Variants in UNC13C observed in about 807,000 individuals in gnomAD.
The protein encoded by UNC13C is protein unc-13 homolog C.
Under a neutral mutation model 245.4 loss-of-function variants are expected in UNC13C, and 174 were observed. The observed-to-expected ratio is 0.71, with a 90% CI of 0.63 to 0.80. The LOEUF (loss-of-function observed/expected upper bound fraction) is 0.80, where lower values mean the gene tolerates loss of function less well. UNC13C is among the 30% of genes least tolerant of loss of function. The pLI is 0.00. For synonymous variants in UNC13C, 992 were observed against 895.1 expected (o/e 1.11, Z -1.93); for missense variants, 2,829 against 2,602.9 (o/e 1.09, Z -1.89).
chr15:54,553,905 C>G (rs1029678772), intron 28 of UNC13C, among the ~76,000 whole-genome samples: 8 of 151,806 alleles, frequency 5.3e-5, no homozygotes, highest in African/African-American at 1.9e-4. Context: ...GCATTTTCCC[C>G]TATAATTCAG....
chr15:53,838,492 T>A, the UNC13C span, among the ~76,000 whole-genome samples: 14 of 152,078 alleles, frequency 9.2e-5, no homozygotes, highest in African/African-American at 2.7e-4. Context: ...TATGAATAGA[T>A]GTTTAATTTT....
chr15:54,075,387 A>T (rs1898545445), intron 2 of UNC13C, among the ~76,000 whole-genome samples: 1 of 151,838 alleles, frequency 6.6e-6, no homozygotes, highest in Non-Finnish European at 1.5e-5. Context: ...CGGGAGGCTG[A>T]GTCAGGAGAA....
At chr15:54,528,361 A>T (rs1895580173) in intron 25 of UNC13C, among the ~76,000 whole-genome samples, 1 of 147,570 alleles carries the variant, frequency 6.8e-6, no homozygotes, top group Non-Finnish European at 1.5e-5. Flanking sequence ...TTAGTACTAG[A>T]GGCTGGCTAG....
rs554862328 is a variant in UNC13C at position 54,276,519 on chromosome 15, A to G, written c.3818+11023A>G. ...ATTAATGGTTTACAGTGTTCAACAC[A>G]TCTAAAATCTAAAATACAGTATCAT... On this transcript the variant is annotated intron_variant, in intron 10 of 32. Transcript: ENST00000260323. Among the ~76,000 whole-genome samples the G allele has an allele frequency of 7.9e-5, 12 of 152,234 alleles. No homozygotes were observed. In the South Asian group the frequency reaches 2.1e-3, roughly 26 times the overall value.
intron 30 of UNC13C, among the ~76,000 whole-genome samples, chr15:54,579,118 T>A (rs903605399): frequency 1.3e-5 from 2 of 152,140 alleles, no homozygotes; most frequent in Non-Finnish European, 2.9e-5. Flanking sequence ...AGTTCGGCAG[T>A]AAAATAGGCA....
rs191259776 is a variant in UNC13C at position 54,374,083 on chromosome 15, G to A, written c.4714-18965G>A. Among the ~76,000 whole-genome samples the A allele has an allele frequency of 2.1e-3, 316 of 152,266 alleles. 6 individuals are homozygous for A. The highest frequency in any genetic ancestry group is 0.019 in the Admixed American group (292 of 15,302). On this transcript the variant is annotated intron_variant, in intron 17 of 32. Coordinates refer to ENST00000260323, the MANE Select transcript of UNC13C (RefSeq NM_001080534.3). ...GACCCTCAGTGGGCAGCTCCTCTCT[G>A]CAGACAGGTCCTCTGAATGTCTCCC...
At chr15:54,493,087 G>T (rs1262663491) in intron 19 of UNC13C, among the ~76,000 whole-genome samples, 2 of 152,120 alleles carry the variant, frequency 1.3e-5, no homozygotes, top group Non-Finnish European at 2.9e-5. Context: ...ATCAGTCCCC[G>T]AGCGAAGGTC....
At chr15:54,034,205 A>G (rs1896479147) in intron 2 of UNC13C, among the ~76,000 whole-genome samples, 1 of 151,816 alleles carries the variant, frequency 6.6e-6, no homozygotes, top group Non-Finnish European at 1.5e-5. Context: ...GTCTTTGCTC[A>G]CTCCCTGTTT....
intron 2 of UNC13C, among the ~76,000 whole-genome samples, chr15:54,045,496 C>A (rs1478351035): frequency 6.6e-6 from 1 of 151,948 alleles, no homozygotes; most frequent in African/African-American, 2.4e-5. Context: ...TTTCAGAGCA[C>A]CTGTTCTTAA....
At chr15:54,220,881 T>A (rs2035204983) in intron 4 of UNC13C, among the ~76,000 whole-genome samples, 2 of 152,004 alleles carry the variant, frequency 1.3e-5, no homozygotes, top group African/African-American at 2.4e-5. Flanking sequence ...CCTATCAACA[T>A]CAAAACCTGT....
In UNC13C at chr15:54,014,016, T is replaced by G. The variant is rs758303560; in HGVS notation, c.1113T>G (p.Asn371Lys). The G allele has an allele frequency of 4.3e-6, 7 of 1,613,822 alleles. No individual in the cohort carries two copies. In the East Asian group the frequency reaches 1.6e-4, roughly 36 times the overall value. Residue 371 changes from asparagine (N) to lysine (K), a missense_variant, in exon 2 of 33, where the codon AAT (asparagine) becomes AAG (lysine). Transcript: ENST00000260323. The part of the protein sequence containing the change: ...QRIGHQRDCP[N>K]AKPRPILVYF... ...TAGGACACCAGAGAGACTGCCCAAA[T>G]GCAAAGCCTCGACCCATACTTGTGT... is the stretch of plus-strand genomic sequence containing the variant.
chr15:54,529,005 ACT>A (rs112558186), intron 25 of UNC13C, among the ~76,000 whole-genome samples: 6,785 of 152,234 alleles, frequency 0.045, 472 homozygotes, highest in African/African-American at 0.15. Flanking sequence ...AAGGATTTAG[ACT>A]CTCTTGGATG....
At chr15:54,263,811 TGAA>T (rs1357014605) in intron 8 of UNC13C, among the ~76,000 whole-genome samples, 1 of 152,168 alleles carries the variant, frequency 6.6e-6, no homozygotes, top group African/African-American at 2.4e-5. Flanking sequence ...GGATACCCAT[TGAA>T]GAAATATGTG....
intron 17 of UNC13C, among the ~76,000 whole-genome samples, chr15:54,369,023 T>C (rs186848801): frequency 2.9e-3 from 446 of 152,210 alleles, no homozygotes; most frequent in African/African-American, 0.01. Context: ...ATCTCCTCCA[T>C]GAAGTAATGA....
chr15:54,442,282 ACT>A (rs1160585537), intron 19 of UNC13C, among the ~76,000 whole-genome samples: 1 of 130,162 alleles, frequency 7.7e-6, no homozygotes, highest in Non-Finnish European at 1.6e-5. Flanking sequence ...ACAGGATCTC[ACT>A]CTGTTGCCCA....
At chr15:54,138,884 G>C (rs906709294) in intron 2 of UNC13C, among the ~76,000 whole-genome samples, 3 of 147,822 alleles carry the variant, frequency 2.0e-5, no homozygotes, top group African/African-American at 7.5e-5. Flanking sequence ...GGAATTGCTT[G>C]GCTTGTGGAA....
intron 7 of UNC13C, among the ~76,000 whole-genome samples, chr15:54,239,496 G>T (rs2035794665): frequency 6.6e-6 from 1 of 152,198 alleles, no homozygotes; most frequent in South Asian, 2.1e-4. Flanking sequence ...TGTCATCCAA[G>T]CTGGAGTGCA....
intron 23 of UNC13C, among the ~76,000 whole-genome samples, chr15:54,507,894 TA>T (rs1491277869): frequency 1.3e-5 from 2 of 151,394 alleles, no homozygotes; most frequent in Admixed American, 6.6e-5. Flanking sequence ...GGTTTTTTTT[TA>T]AAAAAAAGAA....
At chr15:54,165,634 T>C (rs2033138112) in intron 4 of UNC13C, among the ~76,000 whole-genome samples, 1 of 152,074 alleles carries the variant, frequency 6.6e-6, no homozygotes, top group Non-Finnish European at 1.5e-5. Context: ...TAACATAATT[T>C]ATTTAATCAG....
Sources: allele counts gnomAD v4.1 joint callset (sites outside exome capture counted in the v4.1 genomes callset), GRCh38; gene constraint gnomAD v4.1.1; transcripts MANE v1.5; gene names NCBI Gene and HGNC (gene_info 2026-07-23, HGNC 2026-07-21).